Variants in ZNF34 observed in about 807,000 individuals in gnomAD.
ZNF34 encodes the protein zinc finger protein 34 (KOX 32).
ZNF34 carries 8 observed loss-of-function variants against 14.4 expected under a neutral mutation model. The ratio of observed to expected loss-of-function variants is 0.55; its 90% confidence interval spans 0.33 to 1.00. The LOEUF (loss-of-function observed/expected upper bound fraction) is 1.00, where lower values mean the gene tolerates loss of function less well. Ranked by LOEUF, ZNF34 falls within the 50% of genes least tolerant of loss-of-function variation. The pLI, the probability that ZNF34 is intolerant of heterozygous loss-of-function variation, is 0.03. For synonymous variants in ZNF34, 235 were observed against 247.9 expected (o/e 0.95, Z 0.49); for missense variants, 538 against 674.2 (o/e 0.80, Z 2.24).
rs1167989326 is a variant in ZNF34 at position 144,779,783 on chromosome 8, C to T, written c.-55+445G>A. 1.3e-5 allele frequency among the ~76,000 whole-genome samples: 2 copies of T among 152,150 alleles called. No homozygotes were observed. Among genetic ancestry groups the T allele is most frequent in the African/African-American group, 4.8e-5 (2 of 41,432 alleles). On this transcript the variant is annotated intron_variant, in intron 2 of 5. Coordinates refer to ENST00000429371, the MANE Select transcript of ZNF34 (RefSeq NM_001286769.2). This position sits in a 1 kb window ranked among gnomAD's most constrained non-coding sequence, Gnocchi z 4.1. ...CTGCCCTCGGGCCGTCTATCCCCCT[C>T]CCTGCTCTGGCATGCTAAGCTGTCT...
At chr8:144,783,103 C>A (rs1245292026) in intron 1 of ZNF34, among the ~76,000 whole-genome samples, 1 of 151,392 alleles carries the variant, frequency 6.6e-6, no homozygotes, top group Admixed American at 6.6e-5. Context: ...AGTTCAAGCT[C>A]AGCCTGTCTC....
intron 1 of ZNF34, 106 bp from the exon 2 acceptor site, chr8:144,780,386 T>A (rs1825788799): frequency 1.2e-6 from 1 of 849,938 alleles, no homozygotes. Context: ...TCTTTAAAGC[T>A]TTTTATTTAA....
chr8:144,784,682 C>T (rs1202289573), intron 1 of ZNF34, among the ~76,000 whole-genome samples: 3 of 151,846 alleles, frequency 2.0e-5, no homozygotes, highest in African/African-American at 7.3e-5. Context: ...CGCTTGAACC[C>T]GGGAGGCGGA....
At position 144,777,536 on chromosome 8, in the gene ZNF34, A is replaced by G; in HGVS notation, c.202T>C (p.Leu68=). 2.6e-6 allele frequency: 4 copies of G among 1,553,848 alleles called. No homozygotes were observed. Among genetic ancestry groups the G allele is most frequent in the Non-Finnish European group, 3.5e-6 (4 of 1,148,270 alleles). ...ACCCAGGGCTCATCCCCTCGCTCCAACTGCGAGATCACTCCAGGCTTGGGG... is the reference window on the plus strand; with the variant it reads ...ACCCAGGGCTCATCCCCTCGCTCCAGCTGCGAGATCACTCCAGGCTTGGGG... The part of the protein sequence containing the change: ...AGPKPGVISQ[L]ERGDEPWVLD... The change falls in exon 5 of 6, where the codon TTG becomes CTG. Residue 68 remains leucine, a synonymous_variant. Coordinates refer to ENST00000429371, the MANE Select transcript of ZNF34 (RefSeq NM_001286769.2). The surrounding 1 kb of genome is among the most constrained non-coding windows in gnomAD (Gnocchi z 4.8).
Position 144,773,811 on chromosome 8 carries a change from G to A in ZNF34, c.1075C>T (p.Arg359Ter), listed in dbSNP as rs1184637250. The change falls in exon 6 of 6, where the codon CGA (arginine) becomes TGA (stop). Residue 359 changes from arginine to a stop codon, truncating the protein, a stop_gained. Transcript: ENST00000429371. LOFTEE classifies it low-confidence loss of function (END_TRUNC). This position sits in a 1 kb window ranked among gnomAD's most constrained non-coding sequence, Gnocchi z 5.4. ...KAFSDGSILI[R>*]HRRTHTGEKP... ...TCTCCGGTGTGAGTCCGACGATGTCGGATAAGGATTGAGCCATCACTGAAG... is the reference window on the plus strand; with the variant it reads ...TCTCCGGTGTGAGTCCGACGATGTCAGATAAGGATTGAGCCATCACTGAAG... The A allele has an allele frequency of 6.8e-6, 11 of 1,614,070 alleles. No homozygotes were observed. The highest frequency in any genetic ancestry group is 6.8e-6 in the Non-Finnish European group (8 of 1,179,978).
At chr8:144,782,665 C>T (rs1825961318) in intron 1 of ZNF34, among the ~76,000 whole-genome samples, 1 of 149,542 alleles carries the variant, frequency 6.7e-6, no homozygotes, top group East Asian at 2.0e-4. Context: ...TGGCAAAACC[C>T]CTCTCTACAA....
At chr8:144,784,141 C>T (rs1826077502) in intron 1 of ZNF34, among the ~76,000 whole-genome samples, 1 of 144,726 alleles carries the variant, frequency 6.9e-6, no homozygotes, top group Non-Finnish European at 1.5e-5. Context: ...TCGTGGGTGA[C>T]AGAGCGAGAC....
In ZNF34 at chr8:144,777,779, G is replaced by A. The variant is rs1247738908; in HGVS notation, c.161-202C>T. 1.3e-5 allele frequency among the ~76,000 whole-genome samples: 2 copies of A among 152,070 alleles called. No individual in the cohort carries two copies. The highest frequency in any genetic ancestry group is 2.4e-5 in the African/African-American group (1 of 41,398). ...AGCTCAGGGGTTCCCTCCACTAGGAGGTATGCAACTCCGCCCCCCCGGTGT... is the reference window on the plus strand; with the variant it reads ...AGCTCAGGGGTTCCCTCCACTAGGAAGTATGCAACTCCGCCCCCCCGGTGT... On this transcript the variant is annotated intron_variant, in intron 4 of 5. Transcript: ENST00000429371. The surrounding 1 kb of genome is among the most constrained non-coding windows in gnomAD (Gnocchi z 4.8).
chr8:144,777,986 G>C lies in ZNF34; in HGVS notation c.160+52C>G. 1 of 1,605,502 alleles carries C rather than the reference G, an allele frequency of 6.2e-7. No homozygotes were observed. Among genetic ancestry groups the C allele is most frequent in the Non-Finnish European group, 8.5e-7 (1 of 1,175,984 alleles). ...AGGCCCCTAGCCCAGCCTCTGCTGAGCCCTTAGCCCCCAGGGCTGTTCCCA... is the reference window on the plus strand; with the variant it reads ...AGGCCCCTAGCCCAGCCTCTGCTGACCCCTTAGCCCCCAGGGCTGTTCCCA... On this transcript the variant is annotated intron_variant, in intron 4 of 5. Coordinates refer to ENST00000429371, the MANE Select transcript of ZNF34 (RefSeq NM_001286769.2). This position sits in a 1 kb window ranked among gnomAD's most constrained non-coding sequence, Gnocchi z 4.8.
intron 5 of ZNF34, among the ~76,000 whole-genome samples, chr8:144,775,182 C>T (rs1264397632): frequency 6.6e-6 from 1 of 152,246 alleles, no homozygotes; most frequent in Non-Finnish European, 1.5e-5. Context: ...AGGGGTCTAT[C>T]CTTCCACCCC....
chr8:144,786,550 C>T (rs1002045216), intron 1 of ZNF34, among the ~76,000 whole-genome samples: 3 of 151,676 alleles, frequency 2.0e-5, no homozygotes, highest in Admixed American at 2.0e-4. Context: ...AGGAGAATCC[C>T]TTGAACTCGG....
At chr8:144,787,173 C>T (rs1210073320) in intron 1 of ZNF34, 106 bp downstream of exon 1, 1 of 152,328 alleles carries the variant, frequency 6.6e-6, no homozygotes, top group Non-Finnish European at 1.5e-5. Context: ...CGGACCCACG[C>T]CTGCAGCACC....
intron 1 of ZNF34, among the ~76,000 whole-genome samples, chr8:144,782,999 T>TAAAAAAA (rs149988063): frequency 0.063 from 9,412 of 148,802 alleles, 1,043 homozygotes; most frequent in African/African-American, 0.22. Context: ...TTAAATAGAT[T>TAAAAAAA]AAAAAAAAAG....
rs548252812 is a variant in ZNF34, at chr8:144,782,842, C to CAAAAAAAAAAAAAAAAAA, written c.-107-2580_-107-2563dup. Among the ~76,000 whole-genome samples, 66 of 22,978 alleles carry CAAAAAAAAAAAAAAAAAA rather than the reference C, an allele frequency of 2.9e-3. 7 individuals carry two copies. The highest frequency in any genetic ancestry group is 3.6e-3 in the Non-Finnish European group (56 of 15,672). 15.1% of individuals were successfully genotyped at this position (22,978 alleles called of 152,430 possible). On this transcript the variant is annotated intron_variant, in intron 1 of 5. Coordinates refer to ENST00000429371, the MANE Select transcript of ZNF34 (RefSeq NM_001286769.2). Reference sequence around the variant, plus strand: ...ACAGAGACAGAACCAAAGCCTATCTCAAAAAAAAAAAAAAAAAAAAAAAAA... The same window carrying CAAAAAAAAAAAAAAAAAA: ...ACAGAGACAGAACCAAAGCCTATCTCAAAAAAAAAAAAAAAAAAAAAAAAAAAAAAAAAAAAAAAAAAA...
chr8:144,780,369 T>G, intron 1 of ZNF34, 89 bp from the exon 2 acceptor site: 1 of 981,888 alleles, frequency 1.0e-6, no homozygotes, highest in South Asian at 1.5e-5. Flanking sequence ...TATATATCTT[T>G]TCTGTATCTT....
chr8:144,785,925 T>C (rs1026052961), intron 1 of ZNF34, among the ~76,000 whole-genome samples: 4 of 150,728 alleles, frequency 2.7e-5, no homozygotes, highest in Admixed American at 6.6e-5. Flanking sequence ...AGCACAGTTA[T>C]AAGGCTGAGA....
At chr8:144,782,297 G>C (rs1333188789) in intron 1 of ZNF34, among the ~76,000 whole-genome samples, 2 of 151,764 alleles carry the variant, frequency 1.3e-5, no homozygotes, top group Non-Finnish European at 2.9e-5. Context: ...ACTCCAGCCT[G>C]GCCACAGAGT....
intron 1 of ZNF34, among the ~76,000 whole-genome samples, chr8:144,786,210 T>G (rs1191703944): frequency 6.6e-6 from 1 of 151,592 alleles, no homozygotes; most frequent in Non-Finnish European, 1.5e-5. Context: ...ATGGTCTCGA[T>G]CTCCAGACCT....
At chr8:144,784,847 G>C (rs1563794383) in intron 1 of ZNF34, among the ~76,000 whole-genome samples, 2 of 151,900 alleles carry the variant, frequency 1.3e-5, no homozygotes, top group Admixed American at 6.6e-5. Flanking sequence ...AAAAGGCCAG[G>C]CATGGTAGCT....
Sources: gnomAD v4.1 joint callset for allele counts (sites outside exome capture counted in the v4.1 genomes callset) on GRCh38, gnomAD v4.1.1 for gene constraint, Gnocchi (gnomAD v3.1) non-coding constraint, MANE v1.5 for transcripts, NCBI Gene and HGNC (gene_info 2026-07-23, HGNC 2026-07-21) for gene names.